The following IKZF2 variants were observed in gnomAD, a reference collection of about 807,000 sequenced individuals.
IKZF2 encodes zinc finger protein Helios.
Under a neutral mutation model 49.2 loss-of-function variants are expected in IKZF2, and 15 were observed. That is an observed-to-expected ratio of 0.30 (90% CI 0.20 to 0.47). The LOEUF (loss-of-function observed/expected upper bound fraction) is 0.47, where lower values mean the gene tolerates loss of function less well. Ranked by LOEUF, IKZF2 falls within the 20% of genes least tolerant of loss-of-function variation. The pLI, the probability that IKZF2 is intolerant of heterozygous loss-of-function variation, is 1.00. For synonymous variants in IKZF2, 227 were observed against 221.4 expected, an observed-to-expected ratio of 1.03 and a Z score of -0.23; for missense variants, 567 against 664.6, an observed-to-expected ratio of 0.85 and a Z score of 1.61.
At chr2:213,093,019 T>G in intron 4 of IKZF2, among the ~76,000 whole-genome samples, 1 of 152,152 alleles carries the variant, frequency 6.6e-6, no homozygotes, top group South Asian at 2.1e-4. Flanking sequence ...GTCAGAAAGT[T>G]TTCTGCTCTA....
rs1336533689 is a variant in IKZF2 at position 213,147,321 on chromosome 2, T to C, written c.139+387A>G. The C allele has an allele frequency of 3.3e-5, 13 of 393,376 alleles. 1 individual carries two copies. In the Admixed American group the frequency reaches 4.9e-4, roughly 15 times the overall value. The allele number at this position is 393,376 out of a possible 1,614,324, so 24.4% of individuals were successfully genotyped here. A position where few individuals can be genotyped will look rare whatever the true frequency, so the allele number is the denominator to read the frequency against. On this transcript the variant is annotated intron_variant, in intron 4 of 8. Transcript: ENST00000434687. ...TTTTATCACTGACGGTTTAGCTTTC[T>C]ACCAAGGCAACATAAAATTATTTCA...
intron 1 of IKZF2, 128 bp downstream of exon 1, chr2:213,151,285 T>C (rs1001585005): frequency 5.9e-5 from 9 of 152,160 alleles, no homozygotes; most frequent in Non-Finnish European, 1.2e-4. Flanking sequence ...CGAGATGCTA[T>C]ATAATTACAC....
chr2:213,040,576 G>T (rs1234221829), intron 6 of IKZF2, among the ~76,000 whole-genome samples: 3 of 151,900 alleles, frequency 2.0e-5, no homozygotes, highest in Admixed American at 1.3e-4. Context: ...TTTCCTCCTA[G>T]AATTTTTAAA....
At chr2:213,009,198 C>A (rs1695672176) in intron 8 of IKZF2, among the ~76,000 whole-genome samples, 1 of 152,042 alleles carries the variant, frequency 6.6e-6, no homozygotes, top group African/African-American at 2.4e-5. Context: ...TAAATATACA[C>A]CTCAACAAAT....
intron 4 of IKZF2, among the ~76,000 whole-genome samples, chr2:213,085,671 C>G (rs1177613643): frequency 6.6e-6 from 1 of 152,132 alleles, no homozygotes; most frequent in South Asian, 2.1e-4. Context: ...GAGAAAAACA[C>G]CTGAAACCCA....
At chr2:213,141,347 A>G (rs550501252) in intron 4 of IKZF2, among the ~76,000 whole-genome samples, 1 of 152,062 alleles carries the variant, frequency 6.6e-6, no homozygotes, top group Admixed American at 6.6e-5. Flanking sequence ...GATCCATGTC[A>G]GTCAAAAGAC....
chr2:213,144,238 T>C (rs1480591290), intron 4 of IKZF2, among the ~76,000 whole-genome samples: 3 of 151,894 alleles, frequency 2.0e-5, no homozygotes, highest in African/African-American at 7.2e-5. Flanking sequence ...GACTGATAAA[T>C]AGCATTGACT....
intron 4 of IKZF2, among the ~76,000 whole-genome samples, chr2:213,093,444 C>A (rs1341818682): frequency 6.6e-6 from 1 of 152,086 alleles, no homozygotes; most frequent in Non-Finnish European, 1.5e-5. Context: ...CTGAGTGGCC[C>A]CCACTCCTTA....
chr2:213,143,934 A>G (rs1431386256), intron 4 of IKZF2, among the ~76,000 whole-genome samples: 1 of 151,926 alleles, frequency 6.6e-6, no homozygotes, highest in Non-Finnish European at 1.5e-5. Flanking sequence ...TATCTAACTA[A>G]CCCACAAGGT....
chr2:213,136,020 G>T (rs1314206787), intron 4 of IKZF2, among the ~76,000 whole-genome samples: 1 of 145,344 alleles, frequency 6.9e-6, no homozygotes, highest in Non-Finnish European at 1.5e-5. Flanking sequence ...CGGCACTCCA[G>T]CCTGGGCTAC....
intron 6 of IKZF2, 70 bp from the exon 7 acceptor site, chr2:213,022,200 T>A: frequency 1.4e-6 from 2 of 1,402,140 alleles, no homozygotes; most frequent in Non-Finnish European, 1.9e-6. Flanking sequence ...AATAGCTAAC[T>A]TTTGATAGTC....
In IKZF2 at chr2:213,007,948, C is replaced by T. The variant is rs895842810; in HGVS notation, c.993G>A (p.Glu331=). 16 of 1,613,380 alleles carry T rather than the reference C, an allele frequency of 9.9e-6. No homozygotes were observed. Among genetic ancestry groups the T allele is most frequent in the African/African-American group, 1.3e-5 (1 of 74,832 alleles). ...GGTGCTGCATCAGAGGGTGAAGGGC[C>T]TCAGCTCCAAGGTAGGTGATTGCAT... ...INNAITYLGA[E]ALHPLMQHPP... Residue 331 remains glutamate, a synonymous_variant, in exon 9 of 9, where the codon GAG becomes GAA. Coordinates refer to ENST00000434687, the MANE Select transcript of IKZF2 (RefSeq NM_001387220.1).
chr2:213,122,151 C>A (rs6729312), intron 4 of IKZF2, among the ~76,000 whole-genome samples: 1 of 152,144 alleles, frequency 6.6e-6, no homozygotes, highest in African/African-American at 2.4e-5. Context: ...TATATGCTTA[C>A]ATTTTTAGTT....
intron 4 of IKZF2, among the ~76,000 whole-genome samples, chr2:213,124,247 C>CGT (rs1353976990): frequency 9.6e-5 from 10 of 103,800 alleles, no homozygotes; most frequent in East Asian, 5.0e-4. Flanking sequence ...CGCTCGCGCG[C>CGT]GCGCGCACAC....
intron 4 of IKZF2, among the ~76,000 whole-genome samples, chr2:213,143,522 T>C (rs996577369): frequency 2.0e-5 from 3 of 151,990 alleles, no homozygotes; most frequent in African/African-American, 7.2e-5. Context: ...TTATCTCTGA[T>C]ACCTGTAAAG....
chr2:213,135,789 TGAAAA>T lies in IKZF2; in HGVS notation c.139+11914_139+11918del, dbSNP rs549217035. On this transcript the variant is annotated intron_variant, in intron 4 of 8. Coordinates refer to ENST00000434687, the MANE Select transcript of IKZF2 (RefSeq NM_001387220.1). ...AGAGAAGAGAAGACAAGACAAGAGA[TGAAAA>T]GAAAAGAAAAGAATACAATGCCGGG... Among the ~76,000 whole-genome samples the T allele has an allele frequency of 1.3e-4, 20 of 148,972 alleles. No homozygotes were observed. The South Asian group carries it at 3.0e-3, about 22-fold the overall frequency.
intron 6 of IKZF2, among the ~76,000 whole-genome samples, chr2:213,032,488 CTT>C (rs909278357): frequency 6.6e-6 from 1 of 152,140 alleles, no homozygotes; most frequent in African/African-American, 2.4e-5. Flanking sequence ...AATACAAGCA[CTT>C]TGGGAAGTGG....
chr2:213,073,847 T>C (rs77558676), intron 4 of IKZF2, among the ~76,000 whole-genome samples: 8,328 of 152,284 alleles, frequency 0.055, 753 homozygotes, highest in African/African-American at 0.19. Flanking sequence ...TGAAGAATTA[T>C]CTCTAAAGTA....
chr2:213,101,304 G>A (rs967559843), intron 4 of IKZF2, among the ~76,000 whole-genome samples: 1 of 152,036 alleles, frequency 6.6e-6, no homozygotes, highest in African/African-American at 2.4e-5. Context: ...AAGAAGATGA[G>A]AGGCAGTCTC....
Sources: allele counts gnomAD v4.1 joint callset (sites outside exome capture counted in the v4.1 genomes callset), GRCh38; gene constraint gnomAD v4.1.1; transcripts MANE v1.5; gene names NCBI Gene and HGNC (gene_info 2026-07-23, HGNC 2026-07-21).